Variants in ST3GAL1 observed in about 807,000 individuals in gnomAD.
ST3GAL1 encodes the protein CMP-N-acetylneuraminate-beta-galactosamide-alpha-2,3-sialyltransferase 1.
In ST3GAL1, 16 loss-of-function variants were observed where a neutral mutation model predicts 34.1. That is an observed-to-expected ratio of 0.47 (90% CI 0.32 to 0.71). The LOEUF (loss-of-function observed/expected upper bound fraction) is 0.71. Among genes scored for constraint, ST3GAL1 ranks in the 30% least tolerant of loss-of-function variants. The pLI, the probability that ST3GAL1 is intolerant of heterozygous loss-of-function variation, is 0.04. For synonymous variants in ST3GAL1, 191 were observed against 184.7 expected (o/e 1.03, Z -0.28); for missense variants, 353 against 447.4 (o/e 0.79, Z 1.90).
chr8:133,459,729 T>A lies in ST3GAL1; in HGVS notation c.*35A>T. The A allele has an allele frequency of 2.5e-6, 4 of 1,573,522 alleles. No individual in the cohort carries two copies. Among genetic ancestry groups the A allele is most frequent in the Non-Finnish European group, 3.5e-6 (4 of 1,156,286 alleles). On this transcript the variant is annotated 3_prime_UTR_variant, in exon 10 of 10. Coordinates refer to ENST00000522652, the MANE Select transcript of ST3GAL1 (RefSeq NM_173344.3). The surrounding 1 kb of genome is among the most constrained non-coding windows in gnomAD (Gnocchi z 4.7). ...GATGCTGGGGCTGGAAATGCAGAGG[T>A]GTGACAGTGCGTCCATCCTCAGCCC...
At chr8:133,507,303 C>T (rs1277020904) in intron 2 of ST3GAL1, among the ~76,000 whole-genome samples, 1 of 152,244 alleles carries the variant, frequency 6.6e-6, no homozygotes, top group Admixed American at 6.5e-5. Context: ...TGAAGTCCTG[C>T]AGTGCCTTCT....
chr8:133,516,104 C>T (rs1307790312), intron 2 of ST3GAL1: 1 of 152,276 alleles, frequency 6.6e-6, no homozygotes, highest in Non-Finnish European at 1.5e-5. Flanking sequence ...GATCCACCCA[C>T]CTCGGCCTCC....
intron 5 of ST3GAL1, among the ~76,000 whole-genome samples, chr8:133,472,711 C>T (rs991130589): frequency 6.6e-6 from 1 of 152,116 alleles, no homozygotes; most frequent in African/African-American, 2.4e-5. Flanking sequence ...GGTGAAGCCC[C>T]ATTCCTTCCA....
At chr8:133,464,441 T>C (rs2130921076) in intron 7 of ST3GAL1, among the ~76,000 whole-genome samples, 1 of 152,270 alleles carries the variant, frequency 6.6e-6, no homozygotes, top group African/African-American at 2.4e-5. Context: ...GTGTTGTTAT[T>C]TGTCAGGCTG....
chr8:133,463,321 G>C (rs1172821727), intron 8 of ST3GAL1, 93 bp downstream of exon 8: 2 of 1,436,632 alleles, frequency 1.4e-6, no homozygotes, highest in African/African-American at 2.8e-5. Context: ...TGGGGATCTG[G>C]GGGCTGTCTT....
At chr8:133,537,859 C>T (rs1044865404) in intron 2 of ST3GAL1, among the ~76,000 whole-genome samples, 2 of 152,140 alleles carry the variant, frequency 1.3e-5, no homozygotes, top group African/African-American at 2.4e-5. Context: ...TTCCTGTTGC[C>T]GGCTGCCATG....
intron 2 of ST3GAL1, among the ~76,000 whole-genome samples, chr8:133,534,586 G>C (rs959528314): frequency 6.6e-6 from 1 of 152,330 alleles, no homozygotes; most frequent in Middle Eastern, 3.4e-3. Flanking sequence ...TGCATGGAAC[G>C]CAGATAAGGC....
intron 5 of ST3GAL1, among the ~76,000 whole-genome samples, chr8:133,471,269 A>T (rs1216714873): frequency 1.3e-5 from 2 of 152,228 alleles, no homozygotes; most frequent in Non-Finnish European, 2.9e-5. Flanking sequence ...GCTAAAGCTA[A>T]CACACATTCA....
chr8:133,512,124 G>A lies in ST3GAL1; in HGVS notation c.-428-12935C>T, dbSNP rs117889244. On this transcript the variant is annotated intron_variant, in intron 2 of 9. Transcript: ENST00000522652. Reference sequence around the variant, plus strand: ...ACAAGGTAAAGTCCCATGATAGGCCGTCTGCAAGTTGAAAATCAAGGAAAC... The same window carrying A: ...ACAAGGTAAAGTCCCATGATAGGCCATCTGCAAGTTGAAAATCAAGGAAAC... 2.4e-3 allele frequency among the ~76,000 whole-genome samples: 372 copies of A among 152,172 alleles called. 6 individuals carry two copies. In the East Asian group the frequency reaches 0.062, roughly 26 times the overall value.
intron 2 of ST3GAL1, among the ~76,000 whole-genome samples, chr8:133,513,965 A>G (rs1166077587): frequency 1.3e-5 from 2 of 152,156 alleles, no homozygotes; most frequent in Non-Finnish European, 2.9e-5. Context: ...CCTGAATGAC[A>G]GTGCAAACTA....
At chr8:133,491,571 C>G (rs1036433108) in intron 3 of ST3GAL1, among the ~76,000 whole-genome samples, 4 of 152,172 alleles carry the variant, frequency 2.6e-5, no homozygotes. Context: ...TCTCCCTAGT[C>G]CGTGACTTCA....
At chr8:133,460,726 G>A (rs182497169) in intron 9 of ST3GAL1, among the ~76,000 whole-genome samples, 118 of 152,314 alleles carry the variant, frequency 7.7e-4, no homozygotes, top group African/African-American at 1.8e-3. Context: ...GCAGCACAGA[G>A]GAGGGAGGAG....
chr8:133,473,512 A>C (rs1816043923), intron 5 of ST3GAL1, among the ~76,000 whole-genome samples: 1 of 152,046 alleles, frequency 6.6e-6, no homozygotes, highest in South Asian at 2.1e-4. Context: ...AACATCACAG[A>C]CTCCAGGCTC....
rs986405478 is a variant in ST3GAL1, at chr8:133,556,020, C to T, written c.-581-10094G>A. 1.1e-4 allele frequency among the ~76,000 whole-genome samples: 16 copies of T among 152,074 alleles called. No homozygotes were observed. The highest frequency in any genetic ancestry group is 5.8e-4 in the East Asian group (3 of 5,178). The stretch of plus-strand genomic sequence containing the variant: ...GCAATTCTCGTGCCTCAGCCTCCCG[C>T]GTAGCTGGGATTACAGGCACCTGCC... On this transcript the variant is annotated intron_variant, in intron 1 of 9. Coordinates refer to ENST00000522652, the MANE Select transcript of ST3GAL1 (RefSeq NM_173344.3). The surrounding 1 kb of genome is among the most constrained non-coding windows in gnomAD (Gnocchi z 8.9).
At chr8:133,460,904 A>G (rs1453887786) in intron 9 of ST3GAL1, among the ~76,000 whole-genome samples, 3 of 152,034 alleles carry the variant, frequency 2.0e-5, no homozygotes, top group Non-Finnish European at 4.4e-5. Context: ...GTGGGGACAA[A>G]GAGGGGACGG....
At chr8:133,521,514 G>A (rs1179358109) in intron 2 of ST3GAL1, among the ~76,000 whole-genome samples, 1 of 152,084 alleles carries the variant, frequency 6.6e-6, no homozygotes, top group Non-Finnish European at 1.5e-5. Flanking sequence ...GGCCAGGCTC[G>A]TCTCAAACTC....
intron 3 of ST3GAL1, among the ~76,000 whole-genome samples, chr8:133,482,527 T>C (rs1816433488): frequency 6.6e-6 from 1 of 152,208 alleles, no homozygotes; most frequent in South Asian, 2.1e-4. Context: ...AGCCACCACC[T>C]CCCTGCCCCA....
chr8:133,520,127 G>A (rs989301981), intron 2 of ST3GAL1, among the ~76,000 whole-genome samples: 20 of 152,266 alleles, frequency 1.3e-4, no homozygotes, highest in African/African-American at 4.1e-4. Context: ...ACGTTTGTGG[G>A]GGCTAAGTCT....
At chr8:133,518,834 T>C (rs1817718362) in intron 2 of ST3GAL1, among the ~76,000 whole-genome samples, 1 of 152,222 alleles carries the variant, frequency 6.6e-6, no homozygotes, top group Non-Finnish European at 1.5e-5. Context: ...AGTAAGGATC[T>C]GAGGCTCAGA....
Sources: gnomAD v4.1 joint callset for allele counts (sites outside exome capture counted in the v4.1 genomes callset) on GRCh38, gnomAD v4.1.1 for gene constraint, Gnocchi (gnomAD v3.1) non-coding constraint, MANE v1.5 for transcripts, NCBI Gene and HGNC (gene_info 2026-07-23, HGNC 2026-07-21) for gene names.